The following PKN2 variants were observed in gnomAD, a reference collection of about 807,000 sequenced individuals.
PKN2 encodes the protein protein kinase N2.
PKN2 carries 38 observed loss-of-function variants against 119.1 expected under a neutral mutation model. The ratio of observed to expected loss-of-function variants is 0.32; its 90% confidence interval spans 0.25 to 0.42. The LOEUF is 0.42. Among genes scored for constraint, PKN2 ranks in the 10% least tolerant of loss-of-function variants. The pLI is 1.00. For missense variants in PKN2, 850 were observed against 1,165.1 expected (o/e 0.73, Z 3.94); for synonymous variants, 390 against 384.9 (o/e 1.01, Z -0.15).
At chr1:88,754,059 A>G (rs1438666574) in intron 2 of PKN2, among the ~76,000 whole-genome samples, 1 of 152,164 alleles carries the variant, frequency 6.6e-6, no homozygotes, top group African/African-American at 2.4e-5. Flanking sequence ...TGATGTGTCC[A>G]AGTGTGGACT....
intron 1 of PKN2, among the ~76,000 whole-genome samples, chr1:88,719,309 T>A (rs1445071537): frequency 1.3e-5 from 2 of 152,228 alleles, no homozygotes; most frequent in African/African-American, 4.8e-5. Flanking sequence ...TGGTTTTATA[T>A]TGTCCATATA....
chr1:88,750,700 T>TA lies in PKN2; in HGVS notation c.349+9413dup, dbSNP rs148477429. 2.9e-3 allele frequency among the ~76,000 whole-genome samples: 449 copies of TA among 152,280 alleles called. 4 individuals are homozygous for TA. The highest frequency in any genetic ancestry group is 0.01 in the African/African-American group (427 of 41,556). On this transcript the variant is annotated intron_variant, in intron 2 of 21. Coordinates refer to ENST00000370521, the MANE Select transcript of PKN2 (RefSeq NM_006256.4). ...TTGAACTCTTCTTTTCTTGGACAGC[T>TA]ATCTCTAAATTTTTCTCTGTGTTTT...
chr1:88,780,886 G>A (rs1303397243), intron 6 of PKN2: 1 of 155,038 alleles, frequency 6.5e-6, no homozygotes, highest in Non-Finnish European at 1.4e-5. Flanking sequence ...AAACTCAGCT[G>A]ATAATGACTG....
chr1:88,724,882 G>GTTTTTTTTTTTTTTTTTTTTTTTTTTT (rs60507382), intron 1 of PKN2, among the ~76,000 whole-genome samples: 2 of 106,012 alleles, frequency 1.9e-5, no homozygotes, highest in African/African-American at 4.3e-5. Context: ...CCACCCCTTG[G>GTTTTTTTTTTTTTTTTTTTTTTTTTTT]TTTTTTTTTT....
intron 8 of PKN2, among the ~76,000 whole-genome samples, chr1:88,800,635 G>T (rs1014352631): frequency 6.6e-6 from 1 of 152,108 alleles, no homozygotes; most frequent in African/African-American, 2.4e-5. Flanking sequence ...ATACTCTCTG[G>T]CACCCCAGGG....
In PKN2 at chr1:88,691,328, G is replaced by A. The variant is rs72951790; in HGVS notation, c.48+6700G>A. ...AGTCCACCTGCCTTGGCCTCCCAAA[G>A]TGCTAGGATTACAGATGTGAGCGTC... is the stretch of plus-strand genomic sequence containing the variant. On this transcript the variant is annotated intron_variant, in intron 1 of 21. Coordinates refer to ENST00000370521, the MANE Select transcript of PKN2 (RefSeq NM_006256.4). 7.9e-3 allele frequency among the ~76,000 whole-genome samples: 1,201 copies of A among 152,246 alleles called. 14 individuals carry two copies. Among genetic ancestry groups the A allele is most frequent in the African/African-American group, 0.028 (1,150 of 41,528 alleles).
intron 6 of PKN2, among the ~76,000 whole-genome samples, chr1:88,775,031 C>T (rs572543284): frequency 6.6e-6 from 1 of 152,232 alleles, no homozygotes; most frequent in Non-Finnish European, 1.5e-5. Flanking sequence ...TTTCTTATTC[C>T]CTTCTTGCTC....
chr1:88,796,926 CTTT>C (rs983424985), intron 8 of PKN2, among the ~76,000 whole-genome samples: 19 of 140,590 alleles, frequency 1.4e-4, no homozygotes, highest in Admixed American at 2.9e-4. Flanking sequence ...TTTGCTCAAC[CTTT>C]TTTTTTTTTT....
intron 1 of PKN2, among the ~76,000 whole-genome samples, chr1:88,699,247 A>G (rs1666668370): frequency 6.6e-6 from 1 of 151,854 alleles, no homozygotes; most frequent in Admixed American, 6.6e-5. Context: ...CTGTTTTGGG[A>G]GATTGCCTTT....
At chr1:88,749,356 G>T (rs911429767) in intron 2 of PKN2, among the ~76,000 whole-genome samples, 1 of 144,020 alleles carries the variant, frequency 6.9e-6, no homozygotes, top group Admixed American at 7.3e-5. Flanking sequence ...AGTGAGCCGA[G>T]ATCGAGCCAT....
rs755439353 is a variant in PKN2 at position 88,740,989 on chromosome 1, G to A, written c.50G>A (p.Gly17Glu). The change falls in exon 2 of 22, where the codon GGG (glycine) becomes GAG (glutamate). Residue 17 changes from glycine (G) to glutamate (E), a missense_variant and splice_region_variant. Physicochemically the swap from Gly to Glu is moderately conservative, Grantham distance 98 (BLOSUM62 -2). Coordinates refer to ENST00000370521, the MANE Select transcript of PKN2 (RefSeq NM_006256.4). ...TTTGTATGTTTATTTTTTCTGTAGGGGGATTCCCGAAGTCTTCCGTTTTCT... is the reference window on the plus strand; with the variant it reads ...TTTGTATGTTTATTTTTTCTGTAGGAGGATTCCCGAAGTCTTCCGTTTTCT... ...RGEILLTELQ[G>E]DSRSLPFSEN... 4 of 1,552,502 alleles carry A rather than the reference G, an allele frequency of 2.6e-6. No individual in the cohort carries two copies. The African/African-American group carries it at 4.2e-5, about 16-fold the overall frequency.
chr1:88,817,086 G>C (rs919704843), intron 16 of PKN2, among the ~76,000 whole-genome samples: 1 of 151,970 alleles, frequency 6.6e-6, no homozygotes, highest in Non-Finnish European at 1.5e-5. Flanking sequence ...ACCTGGCAGA[G>C]ACACCACAAA....
At chr1:88,804,734 G>A (rs2100873597) in intron 9 of PKN2, 112 bp from the exon 10 acceptor site, 1 of 751,152 alleles carries the variant, frequency 1.3e-6, no homozygotes, top group East Asian at 2.7e-5. Flanking sequence ...TAGAAAATGA[G>A]GGGCTGGACT....
At chr1:88,731,660 A>T (rs2100727524) in intron 1 of PKN2, among the ~76,000 whole-genome samples, 1 of 152,326 alleles carries the variant, frequency 6.6e-6, no homozygotes, top group East Asian at 1.9e-4. Flanking sequence ...GTATCCAGTG[A>T]GTTTTTATGG....
chr1:88,733,332 C>A (rs1359443943), intron 1 of PKN2, among the ~76,000 whole-genome samples: 1 of 151,954 alleles, frequency 6.6e-6, no homozygotes. Flanking sequence ...TTTATCCATA[C>A]CCTCATCAAC....
At chr1:88,702,570 G>T (rs1320432422) in intron 1 of PKN2, among the ~76,000 whole-genome samples, 2 of 152,124 alleles carry the variant, frequency 1.3e-5, no homozygotes, top group East Asian at 3.8e-4. Flanking sequence ...AGTAAAAAAA[G>T]ATGTAAAGAA....
At chr1:88,758,935 T>C (rs1403316359) in intron 2 of PKN2, among the ~76,000 whole-genome samples, 1 of 152,256 alleles carries the variant, frequency 6.6e-6, no homozygotes, top group Non-Finnish European at 1.5e-5. Flanking sequence ...ACGGTATTTC[T>C]GTCTTTTGGT....
At chr1:88,803,734 A>G (rs1162418068) in intron 8 of PKN2, among the ~76,000 whole-genome samples, 1 of 152,110 alleles carries the variant, frequency 6.6e-6, no homozygotes, top group Non-Finnish European at 1.5e-5. Flanking sequence ...AATTCTTGCT[A>G]ATTTGCTTTT....
intron 1 of PKN2, among the ~76,000 whole-genome samples, chr1:88,712,503 T>C (rs1667274252): frequency 2.0e-5 from 3 of 152,184 alleles, no homozygotes; most frequent in Admixed American, 2.0e-4. Context: ...CTTTCAATTA[T>C]GATTTTGCAT....
Sources: gnomAD v4.1 joint callset for allele counts (sites outside exome capture counted in the v4.1 genomes callset) on GRCh38, gnomAD v4.1.1 for gene constraint, MANE v1.5 for transcripts, NCBI Gene and HGNC (gene_info 2026-07-23, HGNC 2026-07-21) for gene names.